KIF3B: variants seen among roughly 807,000 people sequenced by gnomAD.
KIF3B encodes the protein kinesin-like protein KIF3B.
A neutral mutation model predicts 74.3 loss-of-function variants in KIF3B; 38 were observed. That is an observed-to-expected ratio of 0.51 (90% CI 0.39 to 0.67). KIF3B has a LOEUF of 0.67. Ranked by LOEUF, KIF3B falls within the 30% of genes least tolerant of loss-of-function variation. KIF3B has a pLI of 0.00. For synonymous variants in KIF3B, 326 were observed against 342.5 expected (o/e 0.95, Z 0.53); for missense variants, 649 against 932.0 (o/e 0.70, Z 3.95).
chr20:32,306,033 C>T (rs1167810360), intron 1 of KIF3B, among the ~76,000 whole-genome samples: 1 of 150,028 alleles, frequency 6.7e-6, no homozygotes, highest in Non-Finnish European at 1.5e-5. Context: ...TTGCAGTGAG[C>T]CGAGATCACG....
intron 1 of KIF3B, among the ~76,000 whole-genome samples, chr20:32,298,474 G>A (rs897245812): frequency 6.6e-6 from 1 of 152,082 alleles, no homozygotes; most frequent in Admixed American, 6.6e-5. Flanking sequence ...ATAAGAAATA[G>A]AATCAGCAAA....
At chr20:32,313,226 T>C (rs1279332374) in intron 2 of KIF3B, among the ~76,000 whole-genome samples, 1 of 152,188 alleles carries the variant, frequency 6.6e-6, no homozygotes, top group East Asian at 1.9e-4. Flanking sequence ...GAGCTTCCAC[T>C]GGGCTTTAAT....
intron 1 of KIF3B, among the ~76,000 whole-genome samples, chr20:32,288,775 G>A (rs1463996093): frequency 6.6e-6 from 1 of 152,158 alleles, no homozygotes; most frequent in African/African-American, 2.4e-5. Flanking sequence ...CTGGGTTCAA[G>A]TGATGTGCAC....
intron 1 of KIF3B, among the ~76,000 whole-genome samples, chr20:32,301,036 A>T (rs958832958): frequency 6.7e-6 from 1 of 150,012 alleles, no homozygotes; most frequent in African/African-American, 2.5e-5. Context: ...CTAATTTTTA[A>T]ATTTTTGGTG....
Position 32,331,948 on chromosome 20 carries a change from A to G in KIF3B, c.*629A>G, listed in dbSNP as rs957803991. On this transcript the variant is annotated 3_prime_UTR_variant, in exon 9 of 9. Transcript: ENST00000375712. ...CTGCTCAGTGAGGAAATCTCTTCCA[A>G]TTTCTGCTTCTGAATGATTCAATGT... 2.0e-5 allele frequency: 3 copies of G among 152,668 alleles called. No individual in the cohort carries two copies. Among genetic ancestry groups the G allele is most frequent in the Admixed American group, 2.0e-4 (3 of 15,272 alleles). 9.5% of individuals were successfully genotyped at this position (152,668 alleles called of 1,614,324 possible). A position where few individuals can be genotyped will look rare whatever the true frequency, so the allele number is the denominator to read the frequency against.
At chr20:32,330,464 T>C in intron 8 of KIF3B, 145 bp downstream of exon 8, 7 of 717,848 alleles carry the variant, frequency 9.8e-6, no homozygotes, top group African/African-American at 1.8e-5. Context: ...TTATTTATTC[T>C]ACAAATATTT....
In KIF3B at chr20:32,310,598, C is replaced by A; in HGVS notation, c.821C>A (p.Ala274Asp). 6.2e-7 allele frequency: 1 copy of A among 1,614,166 alleles called. No individual in the cohort carries two copies. The highest frequency in any genetic ancestry group is 8.5e-7 in the Non-Finnish European group (1 of 1,180,030). ...EATKINLSLS[A>D]LGNVISALVD... is the part of the protein sequence containing the mutation. ...ACCAAGATCAACCTCTCCCTTTCCG[C>A]TTTGGGTAATGTCATCTCTGCTCTA... is the stretch of plus-strand genomic sequence containing the variant. Residue 274 changes from alanine (A) to aspartate (D), a missense_variant, in exon 2 of 9, where the codon GCT becomes GAT. Around this residue, in one of 4 missense-constraint regions of KIF3B, gnomAD observed 363 missense variants for 592.8 expected, o/e 0.61. Coordinates refer to ENST00000375712, the MANE Select transcript of KIF3B (RefSeq NM_004798.4). The surrounding 1 kb of genome is among the most constrained non-coding windows in gnomAD (Gnocchi z 6.5).
intron 1 of KIF3B, among the ~76,000 whole-genome samples, chr20:32,294,356 C>T (rs955084459): frequency 1.3e-5 from 2 of 152,050 alleles, no homozygotes; most frequent in Admixed American, 1.3e-4. Flanking sequence ...GGTTTCTTTC[C>T]GGAGAACTAG....
intron 7 of KIF3B, 77 bp downstream of exon 7, chr20:32,327,738 A>C (rs1286906794): frequency 3.0e-6 from 3 of 1,008,020 alleles, no homozygotes; most frequent in African/African-American, 1.6e-5. Context: ...ATACTATTCC[A>C]CTCAGAGTTC....
chr20:32,302,017 G>A (rs930748008), intron 1 of KIF3B, among the ~76,000 whole-genome samples: 5 of 152,242 alleles, frequency 3.3e-5, no homozygotes, highest in African/African-American at 9.6e-5. Context: ...TGAATGACAA[G>A]TTCTAGCAGA....
chr20:32,324,050 A>G (rs891291078), intron 5 of KIF3B, among the ~76,000 whole-genome samples: 7 of 151,936 alleles, frequency 4.6e-5, no homozygotes, highest in Admixed American at 3.3e-4. Flanking sequence ...TCAAGGCTGC[A>G]GTGAGCCAAG....
At chr20:32,288,710 A>T (rs1600417092) in intron 1 of KIF3B, among the ~76,000 whole-genome samples, 2 of 151,958 alleles carry the variant, frequency 1.3e-5, no homozygotes, top group Non-Finnish European at 2.9e-5. Flanking sequence ...GAAACATTTT[A>T]TGTACAGCAT....
intron 3 of KIF3B, 34 bp downstream of exon 3, chr20:32,316,353 G>C (rs747631437): frequency 6.5e-7 from 1 of 1,539,790 alleles, no homozygotes; most frequent in Non-Finnish European, 9.0e-7. Context: ...GAGAATGGGT[G>C]AGGTAAGGTG....
chr20:32,325,551 T>C (rs1318897463), intron 5 of KIF3B, among the ~76,000 whole-genome samples: 1 of 151,852 alleles, frequency 6.6e-6, no homozygotes, highest in Admixed American at 6.6e-5. Flanking sequence ...GCCAAATATG[T>C]GTTATAAAAA....
In KIF3B at chr20:32,310,405, G is replaced by A. The variant is rs1389027457; in HGVS notation, c.628G>A (p.Glu210Lys). ...TTCTGTCGGTGCTACCAACATGAAC[G>A]AGCACAGCTCGCGTTCTCATGCAAT... ...NRSVGATNMN[E>K]HSSRSHAIFV... The change falls in exon 2 of 9, where the codon GAG (glutamate) becomes AAG (lysine). Residue 210 changes from glutamate (E) to lysine (K), a missense_variant. By Grantham distance (56) the Glu-to-Lys change is moderately conservative. Around this residue, in one of 4 missense-constraint regions of KIF3B, gnomAD observed 363 missense variants for 592.8 expected, o/e 0.61. Transcript: ENST00000375712. The surrounding 1 kb of genome is among the most constrained non-coding windows in gnomAD (Gnocchi z 6.5). 2.8e-5 allele frequency: 45 copies of A among 1,614,176 alleles called. No homozygotes were observed. Among genetic ancestry groups the A allele is most frequent in the Non-Finnish European group, 3.6e-5 (43 of 1,180,032 alleles).
At position 32,310,188 on chromosome 20, in the gene KIF3B, A is replaced by T; in HGVS notation, c.411A>T (p.Gln137His). The stretch of plus-strand genomic sequence containing the variant: ...ACATCTCTCGATCCCAGAATCAACA[A>T]TACCTGGTCAGGGCTTCTTACTTAG... ...FTHISRSQNQ[Q>H]YLVRASYLEI... is the part of the protein sequence containing the mutation. Residue 137 changes from glutamine (Q) to histidine (H), a missense_variant, in exon 2 of 9, where the codon CAA (glutamine) becomes CAT (histidine). Gln to His is a conservative substitution (Grantham distance 24, BLOSUM62 0). Around this residue, in one of 4 missense-constraint regions of KIF3B, gnomAD observed 363 missense variants for 592.8 expected, o/e 0.61. Coordinates refer to ENST00000375712, the MANE Select transcript of KIF3B (RefSeq NM_004798.4). This position sits in a 1 kb window ranked among gnomAD's most constrained non-coding sequence, Gnocchi z 6.5. 6.2e-7 allele frequency: 1 copy of T among 1,613,422 alleles called. No homozygotes were observed. The highest frequency in any genetic ancestry group is 1.1e-5 in the South Asian group (1 of 91,082).
intron 7 of KIF3B, among the ~76,000 whole-genome samples, chr20:32,329,106 C>G (rs1282233629): frequency 6.6e-6 from 1 of 152,116 alleles, no homozygotes; most frequent in Non-Finnish European, 1.5e-5. Context: ...CAGGGTTTCA[C>G]CATGTTGGCC....
chr20:32,316,469 G>A (rs1439176997), intron 3 of KIF3B, 58 bp from the exon 4 acceptor site: 2 of 1,607,190 alleles, frequency 1.2e-6, no homozygotes, highest in African/African-American at 2.7e-5. Context: ...CTAGCTTGGG[G>A]AACCCAGCAT....
Position 32,309,978 on chromosome 20 carries a change from C to T in KIF3B, c.201C>T (p.Ala67=), listed in dbSNP as rs1308769312. 2.5e-6 allele frequency: 4 copies of T among 1,614,168 alleles called. No homozygotes were observed. Among genetic ancestry groups the T allele is most frequent in the South Asian group, 2.2e-5 (2 of 91,080 alleles). Residue 67 remains alanine (A), a synonymous_variant, in exon 2 of 9, where the codon GCC becomes GCT. Coordinates refer to ENST00000375712, the MANE Select transcript of KIF3B (RefSeq NM_004798.4). ...FTFDAVYDWN[A]KQFELYDETF... ...TTGATGCCGTCTATGACTGGAATGC[C>T]AAGCAGTTTGAACTGTACGATGAGA...
Sources: gnomAD v4.1 joint callset for allele counts (sites outside exome capture counted in the v4.1 genomes callset) on GRCh38, gnomAD v4.1.1 for gene constraint, gnomAD v4.1.1 regional missense constraint, Gnocchi (gnomAD v3.1) non-coding constraint, MANE v1.5 for transcripts, NCBI Gene and HGNC (gene_info 2026-07-23, HGNC 2026-07-21) for gene names.